TSR2: variants seen among roughly 807,000 people sequenced by gnomAD.
TSR2 encodes pre-rRNA-processing protein TSR2 homolog.
A neutral mutation model predicts 13.3 loss-of-function variants in TSR2; 1 was observed. That is an observed-to-expected ratio of 0.08 (90% CI 0.03 to 0.36). The LOEUF (loss-of-function observed/expected upper bound fraction) is 0.36, where lower values mean the gene tolerates loss of function less well. TSR2 is among the 10% of genes least tolerant of loss of function. TSR2 has a pLI of 0.99. For missense variants in TSR2, 120 were observed against 151.1 expected, an observed-to-expected ratio of 0.79 and a Z score of 1.08; for synonymous variants, 60 against 57.7, an observed-to-expected ratio of 1.04 and a Z score of -0.18.
intron 2 of TSR2, 73 bp from the exon 3 acceptor site, chrX:54,443,327 A>G: frequency 1.4e-6 from 1 of 728,467 alleles, no homozygotes; most frequent in South Asian, 2.3e-5. Context: ...CCAAGTAGAT[A>G]TTGAAGAGCA....
In TSR2 at chrX:54,446,912, C is replaced by T. The variant is rs201732830; in HGVS notation, c.*2362C>T. 2.7e-5 allele frequency among the ~76,000 whole-genome samples: 3 copies of T among 109,578 alleles called. No individual in the cohort carries two copies. Among genetic ancestry groups the T allele is most frequent in the African/African-American group, 1.0e-4 (3 of 30,040 alleles). ...CTAATTTTTGTATTTTTAGTAGAGA[C>T]GGGGTTTCACCATGTTGGCCAGGCT... On this transcript the variant is annotated 3_prime_UTR_variant, in exon 5 of 5. Coordinates refer to ENST00000375151, the MANE Select transcript of TSR2 (RefSeq NM_058163.3).
chrX:54,447,528 C>T lies in TSR2; in HGVS notation c.*2978C>T. The T allele has an allele frequency of 9.6e-7, 1 of 1,045,183 alleles. No individual in the cohort carries two copies. 86.1% of individuals were successfully genotyped at this position (1,045,183 alleles called of 1,213,427 possible). A position where few individuals can be genotyped will look rare whatever the true frequency, so the allele number is the denominator to read the frequency against. ...GCTCCTCCTAGCTTTAATACCTCCTCAGTGTAGGGACTGCTATTCCTATCT... is the reference window on the plus strand; with the variant it reads ...GCTCCTCCTAGCTTTAATACCTCCTTAGTGTAGGGACTGCTATTCCTATCT... On this transcript the variant is annotated 3_prime_UTR_variant, in exon 5 of 5. Transcript: ENST00000375151.
In TSR2 at chrX:54,440,758, G is replaced by C. The variant is rs1282596663; in HGVS notation, c.150G>C (p.Val50=). ...AGGCCAAGTGGCTGGGGGGTGCAGT[G>C]GAGGATTACTTCATGCGCAATGGTG... ...QEKAKWLGGA[V]EDYFMRNADL... is the part of the protein sequence containing the mutation. Residue 50 remains valine, a synonymous_variant, in exon 2 of 5, where the codon GTG becomes GTC. Coordinates refer to ENST00000375151, the MANE Select transcript of TSR2 (RefSeq NM_058163.3). 8.3e-7 allele frequency: 1 copy of C among 1,201,309 alleles called. No homozygotes were observed. The highest frequency in any genetic ancestry group is 1.8e-5 in the African/African-American group (1 of 56,902).
chrX:54,443,189 G>A (rs1375388960), intron 2 of TSR2, among the ~76,000 whole-genome samples: 6 of 111,906 alleles, frequency 5.4e-5, no homozygotes, highest in Non-Finnish European at 1.1e-4. Context: ...GCAGATAAAA[G>A]GCAGGATGGA....
In TSR2 at chrX:54,447,136, C is replaced by T. The variant is rs777716134; in HGVS notation, c.*2586C>T. Among the ~76,000 whole-genome samples the T allele has an allele frequency of 8.9e-6, 1 of 112,203 alleles. No homozygotes were observed. Among genetic ancestry groups the T allele is most frequent in the East Asian group, 2.8e-4 (1 of 3,555 alleles). Reference sequence around the variant, plus strand: ...TGGTTTTCCCTACATACCACAACCACTCCTTGTCTCTAGCCAGTCTTTGTC... The same window carrying T: ...TGGTTTTCCCTACATACCACAACCATTCCTTGTCTCTAGCCAGTCTTTGTC... On this transcript the variant is annotated 3_prime_UTR_variant, in exon 5 of 5. Coordinates refer to ENST00000375151, the MANE Select transcript of TSR2 (RefSeq NM_058163.3).
chrX:54,440,637 T>C (rs1025345625), intron 1 of TSR2, 53 bp from the exon 2 acceptor site: 14 of 1,167,961 alleles, frequency 1.2e-5, no homozygotes, highest in Non-Finnish European at 1.6e-5. Context: ...GCCTCCAGGC[T>C]ACTCCAGGTC....
chrX:54,446,456 G>A lies in TSR2; in HGVS notation c.*1906G>A, dbSNP rs374813782. On this transcript the variant is annotated 3_prime_UTR_variant, in exon 5 of 5. Transcript: ENST00000375151. ...CAGAGCTGGGGCCACCTTGGGGCTA[G>A]ACCTTTCCCCCGCCCCAGCTTCTAA... 5.2e-6 allele frequency: 6 copies of A among 1,149,556 alleles called. No homozygotes were observed. In the African/African-American group the frequency reaches 1.1e-4, roughly 21 times the overall value. 94.7% of individuals were successfully genotyped at this position (1,149,556 alleles called of 1,213,427 possible). A position where few individuals can be genotyped will look rare whatever the true frequency, so the allele number is the denominator to read the frequency against.
At position 54,440,774 on chromosome X, in the gene TSR2, C is replaced by T. The variant is rs374472583; in HGVS notation, c.166C>T (p.Arg56Cys). The part of the protein sequence containing the change: ...LGGAVEDYFM[R>C]NADLELDEVE... ...GGGTGCAGTGGAGGATTACTTCATG[C>T]GCAATGGTGAGTGAATGTGAGGCGC... is the stretch of plus-strand genomic sequence containing the variant. The change falls in exon 2 of 5, where the codon CGC becomes TGC. Residue 56 changes from arginine to cysteine, a missense_variant. Coordinates refer to ENST00000375151, the MANE Select transcript of TSR2 (RefSeq NM_058163.3). 5.1e-6 allele frequency: 6 copies of T among 1,187,668 alleles called. No homozygotes were observed. In the African/African-American group the frequency reaches 7.1e-5, roughly 14 times the overall value.
intron 2 of TSR2, among the ~76,000 whole-genome samples, chrX:54,441,439 C>T (rs1282913702): frequency 9.0e-6 from 1 of 111,712 alleles, no homozygotes. Flanking sequence ...TTGGAGATGA[C>T]ATTAGGCAGA....
chrX:54,441,150 C>T (rs1007187729), intron 2 of TSR2, among the ~76,000 whole-genome samples: 9 of 112,436 alleles, frequency 8.0e-5, no homozygotes, highest in Non-Finnish European at 1.3e-4. Context: ...TGTTAGTAAA[C>T]TCGGTGTGTA....
chrX:54,445,716 C>T lies in TSR2; in HGVS notation c.*1166C>T, dbSNP rs1029180334. ...ACTGGCTGAGGAGGCAGGGCTGGGT[C>T]GGGGCCCCAGGGTCAGTGGCAGAGC... On this transcript the variant is annotated 3_prime_UTR_variant, in exon 5 of 5. Transcript: ENST00000375151. The T allele has an allele frequency of 1.1e-4, 16 of 150,045 alleles. No individual in the cohort carries two copies. Among genetic ancestry groups the T allele is most frequent in the South Asian group, 6.3e-4 (3 of 4,760 alleles). 12.4% of individuals were successfully genotyped at this position (150,045 alleles called of 1,213,427 possible). A position where few individuals can be genotyped will look rare whatever the true frequency, so the allele number is the denominator to read the frequency against.
Position 54,446,149 on chromosome X carries a change from G to C in TSR2, c.*1599G>C. On this transcript the variant is annotated 3_prime_UTR_variant, in exon 5 of 5. Coordinates refer to ENST00000375151, the MANE Select transcript of TSR2 (RefSeq NM_058163.3). The stretch of plus-strand genomic sequence containing the variant: ...GGTCTGGGGGGATTCGGGGGGTTCA[G>C]CAGTGGCTCCTAAAGCAGCCACCGG... The C allele has an allele frequency of 8.3e-7, 1 of 1,211,039 alleles. No homozygotes were observed. The highest frequency in any genetic ancestry group is 1.1e-6 in the Non-Finnish European group (1 of 895,180).
At position 54,446,215 on chromosome X, in the gene TSR2, G is replaced by A. The variant is rs374025380; in HGVS notation, c.*1665G>A. 46 of 1,210,339 alleles carry A rather than the reference G, an allele frequency of 3.8e-5. No individual in the cohort carries two copies. The highest frequency in any genetic ancestry group is 5.9e-5 in the East Asian group (2 of 33,761). ...CCTGTCCTCAGACAGTGTGGGCCCC[G>A]GGCAGAACGTGTCCCCTCGGCCCGC... is the stretch of plus-strand genomic sequence containing the variant. On this transcript the variant is annotated 3_prime_UTR_variant, in exon 5 of 5. Transcript: ENST00000375151.
rs727503925 is a variant in TSR2 at position 54,446,209 on chromosome X, G to A, written c.*1659G>A. On this transcript the variant is annotated 3_prime_UTR_variant, in exon 5 of 5. Transcript: ENST00000375151. ...CATCTCCCTGTCCTCAGACAGTGTGGGCCCCGGGCAGAACGTGTCCCCTCG... is the reference window on the plus strand; with the variant it reads ...CATCTCCCTGTCCTCAGACAGTGTGAGCCCCGGGCAGAACGTGTCCCCTCG... 7.5e-5 allele frequency: 91 copies of A among 1,210,178 alleles called. No homozygotes were observed. The highest frequency in any genetic ancestry group is 9.3e-5 in the Non-Finnish European group (83 of 895,107).
At chrX:54,443,125 T>C (rs1443111112) in intron 2 of TSR2, among the ~76,000 whole-genome samples, 1 of 111,818 alleles carries the variant, frequency 8.9e-6, no homozygotes, top group Non-Finnish European at 1.9e-5. Context: ...GAGGTATTAA[T>C]ATTTAGTGGT....
rs944965342 is a variant in TSR2 at position 54,444,469 on chromosome X, A to G, written c.495A>G (p.Glu165=). The change falls in exon 5 of 5, where the codon GAA becomes GAG. Residue 165 remains glutamate, a synonymous_variant. Transcript: ENST00000375151. ...CAGATGGGGTCTGCCCCCAGCCTGA[A>G]CCCTCTGATCCAGACGCTCAGACTA... is the stretch of plus-strand genomic sequence containing the variant. ...AATDGVCPQP[E]PSDPDAQTIK... is the part of the protein sequence containing the mutation. 8.3e-7 allele frequency: 1 copy of G among 1,210,808 alleles called. No individual in the cohort carries two copies. Among genetic ancestry groups the G allele is most frequent in the Non-Finnish European group, 1.1e-6 (1 of 894,644 alleles).
intron 3 of TSR2, among the ~76,000 whole-genome samples, chrX:54,443,739 C>A (rs748285742): frequency 2.5e-4 from 28 of 111,945 alleles, no homozygotes; most frequent in Non-Finnish European, 4.9e-4. Context: ...TACCATTGCT[C>A]CCCAATAAGA....
rs754547903 is a variant in TSR2 at position 54,444,084 on chromosome X, G to A, written c.341G>A (p.Cys114Tyr). 8.3e-6 allele frequency: 10 copies of A among 1,211,693 alleles called. No homozygotes were observed. The highest frequency in any genetic ancestry group is 1.1e-5 in the Non-Finnish European group (10 of 895,474). Reference protein sequence around the residue: ...DGAALREMASCITQRKCKVTA... With the variant: ...DGAALREMASYITQRKCKVTA... ...GCTGCTCTGAGGGAGATGGCCTCCTGCATCACTCAGAGAAAATGCAAGGTC... is the reference window on the plus strand; with the variant it reads ...GCTGCTCTGAGGGAGATGGCCTCCTACATCACTCAGAGAAAATGCAAGGTC... The change falls in exon 4 of 5, where the codon TGC (cysteine) becomes TAC (tyrosine). Residue 114 changes from cysteine (C) to tyrosine (Y), a missense_variant. Cys to Tyr is a radical substitution (Grantham distance 194). This residue lies in a region of TSR2 where 55 missense variants were observed against 61.3 expected (regional missense o/e 0.90). Coordinates refer to ENST00000375151, the MANE Select transcript of TSR2 (RefSeq NM_058163.3).
At chrX:54,441,233 T>C (rs1921922980) in intron 2 of TSR2, among the ~76,000 whole-genome samples, 1 of 111,773 alleles carries the variant, frequency 8.9e-6, no homozygotes, top group Non-Finnish European at 1.9e-5. Context: ...GTTTTCAAAA[T>C]CTGGTATTTT....
Sources: allele counts gnomAD v4.1 joint callset (sites outside exome capture counted in the v4.1 genomes callset), GRCh38; gene constraint gnomAD v4.1.1; regional missense constraint gnomAD v4.1.1; transcripts MANE v1.5; gene names NCBI Gene and HGNC (gene_info 2026-07-23, HGNC 2026-07-21).